The following SLC4A4 variants were observed in gnomAD, a reference collection of about 807,000 sequenced individuals.
SLC4A4 encodes electrogenic sodium bicarbonate cotransporter 1.
In SLC4A4, 27 loss-of-function variants were observed where a neutral mutation model predicts 111.5. The observed-to-expected ratio is 0.24, with a 90% CI of 0.18 to 0.33. The LOEUF is 0.33. Among genes scored for constraint, SLC4A4 ranks in the 10% least tolerant of loss-of-function variants. The pLI, the probability that SLC4A4 is intolerant of heterozygous loss-of-function variation, is 1.00. For missense variants in SLC4A4, 909 were observed against 1,315.5 expected (o/e 0.69, Z 4.78); for synonymous variants, 443 against 463.4 (o/e 0.96, Z 0.57).
At chr4:71,254,956 A>G (rs28499237) in intron 2 of SLC4A4, among the ~76,000 whole-genome samples, 103,620 of 152,046 alleles carry the variant, frequency 0.68, 39,576 homozygotes, top group Non-Finnish European at 0.87. Context: ...CCAGTTTGAT[A>G]TTCCTTGGTT....
intron 16 of SLC4A4, among the ~76,000 whole-genome samples, chr4:71,507,954 A>G (rs1331462819): frequency 6.6e-6 from 1 of 152,130 alleles, no homozygotes; most frequent in African/African-American, 2.4e-5. Flanking sequence ...ACCATAAAAC[A>G]TGGAAATTGA....
chr4:71,437,635 A>G, intron 7 of SLC4A4: 5 of 515,340 alleles, frequency 9.7e-6, no homozygotes, highest in Non-Finnish European at 1.6e-5. Flanking sequence ...CACAAAGGCA[A>G]GTTTATCACC....
chr4:71,380,108 AGACACAGT>A (rs1341624442), intron 6 of SLC4A4, among the ~76,000 whole-genome samples: 3 of 152,244 alleles, frequency 2.0e-5, no homozygotes, highest in Non-Finnish European at 4.4e-5. Flanking sequence ...AAAACTGACC[AGACACAGT>A]GACATGAGGG....
At chr4:71,100,672 T>G (rs1742703023) in intron 2 of SLC4A4, among the ~76,000 whole-genome samples, 1 of 152,164 alleles carries the variant, frequency 6.6e-6, no homozygotes, top group African/African-American at 2.4e-5. Flanking sequence ...TGTTTGCAGA[T>G]GGCATAATAC....
At chr4:71,377,590 C>A (rs2067160238) in intron 6 of SLC4A4, among the ~76,000 whole-genome samples, 1 of 152,098 alleles carries the variant, frequency 6.6e-6, no homozygotes, top group African/African-American at 2.4e-5. Flanking sequence ...TGTGGCCTAA[C>A]AACACAGAAG....
At chr4:71,169,397 T>C (rs1456372009) in intron 2 of SLC4A4, among the ~76,000 whole-genome samples, 1 of 152,094 alleles carries the variant, frequency 6.6e-6, no homozygotes, top group Admixed American at 6.6e-5. Flanking sequence ...GCCATTTTAA[T>C]TGGGGTGAGC....
In SLC4A4 at chr4:71,509,914, G is replaced by A. The variant is rs566325607; in HGVS notation, c.2166+12222G>A. The stretch of plus-strand genomic sequence containing the variant: ...GGTGAAATGAGGGTGAGGCCTCAAG[G>A]ATGGAGAGAAGCAGTGGCTTCTGGG... On this transcript the variant is annotated intron_variant, in intron 16 of 25. Coordinates refer to ENST00000264485, the MANE Select transcript of SLC4A4 (RefSeq NM_001098484.3). 6.1e-4 allele frequency among the ~76,000 whole-genome samples: 93 copies of A among 152,282 alleles called. 1 individual carries two copies. The highest frequency in any genetic ancestry group is 3.4e-3 in the Middle Eastern group (1 of 294).
intron 6 of SLC4A4, among the ~76,000 whole-genome samples, chr4:71,392,799 C>T (rs577561827): frequency 3.8e-4 from 58 of 152,090 alleles, no homozygotes; most frequent in African/African-American, 1.4e-3. Context: ...AACAACATAT[C>T]AAAAAGATAA....
chr4:71,428,670 G>T (rs1723369905), intron 7 of SLC4A4, among the ~76,000 whole-genome samples: 1 of 151,960 alleles, frequency 6.6e-6, no homozygotes, highest in Non-Finnish European at 1.5e-5. Context: ...CCAAGAAGAA[G>T]AAATGAAGAG....
chr4:71,499,366 G>T (rs1024340937), intron 16 of SLC4A4, among the ~76,000 whole-genome samples: 1 of 152,086 alleles, frequency 6.6e-6, no homozygotes, highest in Non-Finnish European at 1.5e-5. Flanking sequence ...AGTACAATGT[G>T]ACATATGTAT....
chr4:71,350,215 T>A, intron 5 of SLC4A4, 143 bp downstream of exon 5: 1 of 825,092 alleles, frequency 1.2e-6, no homozygotes, highest in South Asian at 1.7e-5. Flanking sequence ...AACATTAGTA[T>A]GATTTATTGC....
chr4:71,329,878 T>C (rs1727825872), intron 3 of SLC4A4, among the ~76,000 whole-genome samples: 1 of 152,158 alleles, frequency 6.6e-6, no homozygotes, highest in South Asian at 2.1e-4. Context: ...GTGGGCATCC[T>C]TGTCTTGTTT....
chr4:71,126,059 C>A (rs1452534180), intron 2 of SLC4A4, among the ~76,000 whole-genome samples: 1 of 152,120 alleles, frequency 6.6e-6, no homozygotes, highest in East Asian at 1.9e-4. Flanking sequence ...ATAGATAGAT[C>A]ATTTCTTTAG....
At chr4:71,126,203 G>A (rs888743003) in intron 2 of SLC4A4, among the ~76,000 whole-genome samples, 3 of 152,124 alleles carry the variant, frequency 2.0e-5, no homozygotes, top group African/African-American at 4.8e-5. Context: ...ATATTTCAAT[G>A]ATGTGCATAT....
chr4:71,272,579 C>T (rs975042630), intron 3 of SLC4A4, among the ~76,000 whole-genome samples: 1 of 152,148 alleles, frequency 6.6e-6, no homozygotes, highest in African/African-American at 2.4e-5. Flanking sequence ...GAAAGACCAT[C>T]TTGCCTCAGC....
At chr4:71,512,568 T>G (rs989128188) in intron 16 of SLC4A4, among the ~76,000 whole-genome samples, 1 of 152,206 alleles carries the variant, frequency 6.6e-6, no homozygotes, top group Non-Finnish European at 1.5e-5. Flanking sequence ...TTTGCAAATA[T>G]ATTTTCTCAT....
chr4:71,549,744 A>AG (rs1470902114), intron 20 of SLC4A4, among the ~76,000 whole-genome samples: 1 of 151,822 alleles, frequency 6.6e-6, no homozygotes, highest in African/African-American at 2.4e-5. Context: ...TAGATACTGT[A>AG]TAATTACTAT....
Position 71,403,602 on chromosome 4 carries a change from G to A in SLC4A4, c.807+5949G>A, listed in dbSNP as rs1048181305. Among the ~76,000 whole-genome samples the A allele has an allele frequency of 2.6e-5, 4 of 152,246 alleles. No individual in the cohort carries two copies. In the East Asian group the frequency reaches 7.7e-4, roughly 29 times the overall value. ...GGCTGAGCAAAAAGCAAGAGTAGAG[G>A]CCTAAGGCAGAAATGAAGATGATGT... On this transcript the variant is annotated intron_variant, in intron 7 of 25. Coordinates refer to ENST00000264485, the MANE Select transcript of SLC4A4 (RefSeq NM_001098484.3).
intron 3 of SLC4A4, among the ~76,000 whole-genome samples, chr4:71,287,954 G>A (rs1474316750): frequency 6.6e-6 from 1 of 152,022 alleles, no homozygotes; most frequent in South Asian, 2.1e-4. Context: ...ACTACTGATG[G>A]TGATGAAAAT....
Sources: gnomAD v4.1 joint callset for allele counts (sites outside exome capture counted in the v4.1 genomes callset) on GRCh38, gnomAD v4.1.1 for gene constraint, MANE v1.5 for transcripts, NCBI Gene and HGNC (gene_info 2026-07-23, HGNC 2026-07-21) for gene names.